The following THSD7B variants were observed in gnomAD, a reference collection of about 807,000 sequenced individuals.
THSD7B encodes thrombospondin type 1 domain containing 7B.
THSD7B carries 138 observed loss-of-function variants against 213.6 expected under a neutral mutation model. The observed-to-expected ratio is 0.65, with a 90% CI of 0.56 to 0.74. The LOEUF is 0.74. Among genes scored for constraint, THSD7B ranks in the 30% least tolerant of loss-of-function variants. The pLI is 0.00. For missense variants in THSD7B, 1,931 were observed against 1,991.5 expected (o/e 0.97, Z 0.58); for synonymous variants, 742 against 687.0 (o/e 1.08, Z -1.25).
chr2:137,590,079 T>C (rs2104812380), intron 17 of THSD7B, among the ~76,000 whole-genome samples: 1 of 152,292 alleles, frequency 6.6e-6, no homozygotes, highest in Non-Finnish European at 1.5e-5. Context: ...TCAGTACCTG[T>C]GCTTCACTTT....
chr2:137,335,295 A>G (rs556769509), intron 12 of THSD7B, among the ~76,000 whole-genome samples: 6 of 152,312 alleles, frequency 3.9e-5, no homozygotes, highest in African/African-American at 1.4e-4. Flanking sequence ...CGAGCGCACA[A>G]AAATAAGGTA....
chr2:137,129,386 T>A (rs1688686341), intron 5 of THSD7B, among the ~76,000 whole-genome samples: 1 of 152,184 alleles, frequency 6.6e-6, no homozygotes, highest in African/African-American at 2.4e-5. Context: ...ATAAGACTTC[T>A]TAAAGGAGTT....
At chr2:136,839,558 C>T (rs1228459630) in intron 1 of THSD7B, among the ~76,000 whole-genome samples, 1 of 152,144 alleles carries the variant, frequency 6.6e-6, no homozygotes, top group Non-Finnish European at 1.5e-5. Context: ...CTTTGAGACT[C>T]AGAGTCTGGC....
rs1573684187 is a variant in THSD7B, at chr2:136,878,041, G to A, written c.-35-4103G>A. Among the ~76,000 whole-genome samples, 4 of 151,972 alleles carry A rather than the reference G, an allele frequency of 2.6e-5. No homozygotes were observed. The South Asian group carries it at 8.3e-4, about 32-fold the overall frequency. ...ACCCATTAACTCGTCATTTACATTAGGTATATCTCCTAATGCTATCCCTCC... is the reference window on the plus strand; with the variant it reads ...ACCCATTAACTCGTCATTTACATTAAGTATATCTCCTAATGCTATCCCTCC... On this transcript the variant is annotated intron_variant, in intron 1 of 27. Transcript: ENST00000409968.
intron 2 of THSD7B, among the ~76,000 whole-genome samples, chr2:136,939,542 C>T (rs754668015): frequency 1.3e-5 from 2 of 152,160 alleles, no homozygotes; most frequent in Non-Finnish European, 2.9e-5. Flanking sequence ...TCTCTCCTTT[C>T]ACCAGGCATA....
At chr2:137,312,103 C>T (rs1218030503) in intron 12 of THSD7B, among the ~76,000 whole-genome samples, 2 of 151,334 alleles carry the variant, frequency 1.3e-5, no homozygotes, top group African/African-American at 4.9e-5. Flanking sequence ...CCTTGTACCT[C>T]TGGTAGAATT....
At chr2:137,443,408 A>C (rs1008112315) in intron 14 of THSD7B, among the ~76,000 whole-genome samples, 1 of 152,148 alleles carries the variant, frequency 6.6e-6, no homozygotes, top group Non-Finnish European at 1.5e-5. Flanking sequence ...TTAAAACCAT[A>C]ATATATTCAT....
At chr2:136,906,684 A>T (rs904366904) in intron 2 of THSD7B, 4 of 152,182 alleles carry the variant, frequency 2.6e-5, no homozygotes, top group Non-Finnish European at 5.9e-5. Context: ...AAGAATTGAC[A>T]GGTGACTCTG....
chr2:137,661,523 G>A (rs780344146), intron 25 of THSD7B, among the ~76,000 whole-genome samples: 19 of 151,850 alleles, frequency 1.3e-4, no homozygotes, highest in South Asian at 2.1e-4. Context: ...CAGCAGCAGC[G>A]AATCCATACA....
chr2:137,400,538 A>G (rs993506422), intron 12 of THSD7B, among the ~76,000 whole-genome samples: 1 of 152,142 alleles, frequency 6.6e-6, no homozygotes, highest in Non-Finnish European at 1.5e-5. Flanking sequence ...CAGTTGTAGT[A>G]GTGGTACACT....
chr2:136,859,474 G>A (rs1414072818), intron 1 of THSD7B, among the ~76,000 whole-genome samples: 3 of 152,170 alleles, frequency 2.0e-5, no homozygotes, highest in Non-Finnish European at 2.9e-5. Flanking sequence ...GTGCTGATGT[G>A]CTAATAGATC....
intron 2 of THSD7B, among the ~76,000 whole-genome samples, chr2:136,957,893 AGTGAGG>A (rs1685154220): frequency 6.6e-6 from 1 of 152,210 alleles, no homozygotes; most frequent in Middle Eastern, 3.2e-3. Flanking sequence ...CAAAGCTGAA[AGTGAGG>A]ATTAATATGC....
intron 15 of THSD7B, among the ~76,000 whole-genome samples, chr2:137,466,781 T>C (rs1269994647): frequency 6.6e-6 from 1 of 152,132 alleles, no homozygotes; most frequent in Non-Finnish European, 1.5e-5. Flanking sequence ...TTACTTCATA[T>C]AGCAAGAAGT....
chr2:137,564,656 A>G (rs946331492), intron 16 of THSD7B, among the ~76,000 whole-genome samples: 1 of 152,192 alleles, frequency 6.6e-6, no homozygotes, highest in African/African-American at 2.4e-5. Flanking sequence ...TCTTAGAAAT[A>G]TTCAAGGAAA....
intron 17 of THSD7B, among the ~76,000 whole-genome samples, chr2:137,614,953 T>G (rs377196213): frequency 3.3e-5 from 5 of 152,298 alleles, no homozygotes; most frequent in East Asian, 3.9e-4. Context: ...AATATCCCAC[T>G]TATAGAAATG....
chr2:137,392,293 T>G lies in THSD7B; in HGVS notation c.2501-13320T>G, dbSNP rs913936176. ...AGTCTAAAGTCCAATTCACATCCAT[T>G]GTTTTTTGTTGCTTTTCTGTCTTAA... On this transcript the variant is annotated intron_variant, in intron 12 of 27. Coordinates refer to ENST00000409968, the MANE Select transcript of THSD7B (RefSeq NM_001316349.2). Among the ~76,000 whole-genome samples, 6 of 152,314 alleles carry G rather than the reference T, an allele frequency of 3.9e-5. No individual in the cohort carries two copies. In the South Asian group the frequency reaches 8.3e-4, roughly 21 times the overall value.
At chr2:136,900,938 G>A (rs1248446324) in intron 2 of THSD7B, among the ~76,000 whole-genome samples, 2 of 152,136 alleles carry the variant, frequency 1.3e-5, no homozygotes, top group African/African-American at 4.8e-5. Flanking sequence ...TACCCCCCAT[G>A]CAGAAAGTGT....
intron 21 of THSD7B, among the ~76,000 whole-genome samples, chr2:137,644,818 G>GC (rs1682999621): frequency 6.6e-6 from 1 of 152,154 alleles, no homozygotes; most frequent in Non-Finnish European, 1.5e-5. Context: ...TATTTAGGTG[G>GC]CTGCTTGCCT....
chr2:137,081,898 G>A (rs1029315052), intron 3 of THSD7B, among the ~76,000 whole-genome samples: 2 of 152,078 alleles, frequency 1.3e-5, no homozygotes, highest in Non-Finnish European at 2.9e-5. Flanking sequence ...AGTGGTGATA[G>A]GAAAAGGGCG....
Sources: allele counts gnomAD v4.1 joint callset (sites outside exome capture counted in the v4.1 genomes callset), GRCh38; gene constraint gnomAD v4.1.1; transcripts MANE v1.5; gene names NCBI Gene and HGNC (gene_info 2026-07-23, HGNC 2026-07-21).